The following ABR variants were observed in gnomAD, a reference collection of about 807,000 sequenced individuals.
ABR encodes the protein active breakpoint cluster region-related protein.
ABR carries 35 observed loss-of-function variants against 107.2 expected under a neutral mutation model. That is an observed-to-expected ratio of 0.33 (90% CI 0.25 to 0.43). The LOEUF (loss-of-function observed/expected upper bound fraction) is 0.43. Ranked by LOEUF, ABR falls within the 20% of genes least tolerant of loss-of-function variation. The pLI, the probability that ABR is intolerant of heterozygous loss-of-function variation, is 1.00. For missense variants in ABR, 815 were observed against 1,115.2 expected (o/e 0.73, Z 3.83); for synonymous variants, 498 against 462.0 (o/e 1.08, Z -1.00).
At chr17:1,167,054 T>C (rs2041540554) in intron 1 of ABR, among the ~76,000 whole-genome samples, 2 of 152,024 alleles carry the variant, frequency 1.3e-5, no homozygotes, top group South Asian at 4.2e-4. Context: ...GCTCCGGACC[T>C]GCCAAATCAA....
chr17:1,198,259 T>G lies in ABR; in HGVS notation c.838+30534A>C, dbSNP rs549556999. Among the ~76,000 whole-genome samples, 93 of 151,642 alleles carry G rather than the reference T, an allele frequency of 6.1e-4. 2 individuals carry two copies. The highest frequency in any genetic ancestry group is 1.2e-3 in the Non-Finnish European group (80 of 67,976). ...TTCCAGGCCCACAAACAACCTCGAC[T>G]TCCTGCAAAGACCACTAACCCCAAC... On this transcript the variant is annotated intron_variant, in intron 1 of 22. Coordinates refer to the ABR transcript ENST00000574139.
intron 16 of ABR, chr17:1,039,505 C>G (rs1163229069): frequency 6.6e-6 from 1 of 152,286 alleles, no homozygotes; most frequent in Non-Finnish European, 1.5e-5. Context: ...CTCTGCTGCC[C>G]ACTCTCCAAG....
intron 1 of ABR, among the ~76,000 whole-genome samples, chr17:1,166,621 G>A (rs147547576): frequency 5.3e-5 from 8 of 152,318 alleles, no homozygotes; most frequent in East Asian, 3.9e-4. Flanking sequence ...AGGGAGCTAC[G>A]AAGGCTTGGA....
At chr17:1,116,173 T>C (rs2038977695) in intron 2 of ABR, among the ~76,000 whole-genome samples, 3 of 152,134 alleles carry the variant, frequency 2.0e-5, no homozygotes, top group Non-Finnish European at 4.4e-5. Context: ...TGAGCCGAGA[T>C]TGCGCCACTG....
rs1477247102 is a variant in ABR at position 1,210,895 on chromosome 17, C to T, written c.838+17898G>A. ...GGCCCTATATTTTAAAGGTGCCAGA[C>T]ATTTACCACCTCATATCAAGCACTT... On this transcript the variant is annotated intron_variant, in intron 1 of 22. Coordinates refer to the ABR transcript ENST00000574139. The surrounding 1 kb of genome is among the most constrained non-coding windows in gnomAD (Gnocchi z 5.6). 6.6e-6 allele frequency among the ~76,000 whole-genome samples: 1 copy of T among 152,168 alleles called. No individual in the cohort carries two copies. Among genetic ancestry groups the T allele is most frequent in the Non-Finnish European group, 1.5e-5 (1 of 68,034 alleles).
At chr17:1,098,241 T>G (rs2151327042) in intron 3 of ABR, among the ~76,000 whole-genome samples, 1 of 151,876 alleles carries the variant, frequency 6.6e-6, no homozygotes, top group East Asian at 1.9e-4. Flanking sequence ...CCCGGCTAAT[T>G]TTTTTTGTAC....
chr17:1,069,371 A>C (rs2035024917), intron 9 of ABR, among the ~76,000 whole-genome samples: 1 of 152,226 alleles, frequency 6.6e-6, no homozygotes, highest in African/African-American at 2.4e-5. Flanking sequence ...AGTTTTTAAA[A>C]GGAAAAAACC....
At chr17:1,139,533 T>G (rs1463527657) in intron 1 of ABR, among the ~76,000 whole-genome samples, 1 of 149,856 alleles carries the variant, frequency 6.7e-6, no homozygotes, top group Non-Finnish European at 1.5e-5. Flanking sequence ...ATTACAGGCG[T>G]GAGCCACCGT....
At chr17:1,149,684 T>C (rs1318847699) in intron 1 of ABR, among the ~76,000 whole-genome samples, 3 of 152,206 alleles carry the variant, frequency 2.0e-5, no homozygotes, top group Non-Finnish European at 4.4e-5. Flanking sequence ...CTCAAAGTGC[T>C]GGGGTTACAG....
intron 13 of ABR, among the ~76,000 whole-genome samples, 166 bp from the exon 14 acceptor site, chr17:1,056,275 A>G (rs2304958): frequency 0.73 from 110,886 of 151,808 alleles, 40,941 homozygotes; most frequent in East Asian, 0.84. Flanking sequence ...CGGCGGCCTT[A>G]TATGTGAGCT....
At chr17:1,135,995 T>G (rs1176536948) in intron 1 of ABR, among the ~76,000 whole-genome samples, 1 of 152,092 alleles carries the variant, frequency 6.6e-6, no homozygotes, top group Non-Finnish European at 1.5e-5. Flanking sequence ...TACCATTGTT[T>G]GAGCATTACT....
Position 1,158,961 on chromosome 17 carries a change from G to A in ABR, c.61+20706C>T, listed in dbSNP as rs559933039. ...AGGCTGAAGCCTGTTCAGACTACAGGGAGCCTGTTTGGGACTCACAGTCCT... is the reference window on the plus strand; with the variant it reads ...AGGCTGAAGCCTGTTCAGACTACAGAGAGCCTGTTTGGGACTCACAGTCCT... On this transcript the variant is annotated intron_variant, in intron 1 of 22. Transcript: ENST00000302538. Among the ~76,000 whole-genome samples the A allele has an allele frequency of 3.0e-4, 46 of 152,266 alleles. No individual in the cohort carries two copies. In the East Asian group the frequency reaches 8.7e-3, roughly 29 times the overall value.
At chr17:1,032,905 C>T (rs538607945) in intron 16 of ABR, among the ~76,000 whole-genome samples, 3 of 152,178 alleles carry the variant, frequency 2.0e-5, no homozygotes, top group Admixed American at 1.3e-4. Flanking sequence ...CCGTGGCAAC[C>T]GCGAACCAGG....
intron 1 of ABR, among the ~76,000 whole-genome samples, chr17:1,208,230 A>G (rs552938175): frequency 1.3e-5 from 2 of 152,226 alleles, no homozygotes; most frequent in African/African-American, 4.8e-5. Flanking sequence ...TGGATACTAG[A>G]ACTTGTTCTT....
intron 10 of ABR, among the ~76,000 whole-genome samples, chr17:1,061,848 T>G (rs956889652): frequency 6.6e-6 from 1 of 152,190 alleles, no homozygotes; most frequent in Non-Finnish European, 1.5e-5. Flanking sequence ...TGCTGGGCCC[T>G]AACCACCTGT....
At chr17:1,022,760 G>A (rs990452738) in intron 16 of ABR, among the ~76,000 whole-genome samples, 3 of 152,318 alleles carry the variant, frequency 2.0e-5, no homozygotes, top group South Asian at 2.1e-4. Context: ...TGCAGCCAAG[G>A]TGTGCCCACC....
chr17:1,037,629 C>T lies in ABR; in HGVS notation c.1791+12421G>A, dbSNP rs936686332. Reference sequence around the variant, plus strand: ...TGGCCCCTCAGTATGCTGTCCCTACCGCTGGAGCCCCCCTGGGCTGCTTGC... The same window carrying T: ...TGGCCCCTCAGTATGCTGTCCCTACTGCTGGAGCCCCCCTGGGCTGCTTGC... On this transcript the variant is annotated intron_variant, in intron 16 of 22. Transcript: ENST00000302538. This position sits in a 1 kb window ranked among gnomAD's most constrained non-coding sequence, Gnocchi z 4.6. Among the ~76,000 whole-genome samples the T allele has an allele frequency of 8.5e-5, 13 of 152,278 alleles. No homozygotes were observed. The highest frequency in any genetic ancestry group is 1.9e-4 in the East Asian group (1 of 5,190).
Position 1,005,079 on chromosome 17 carries a change from G to A in ABR, c.*1001C>T, listed in dbSNP as rs200536245. 2.0e-5 allele frequency: 8 copies of A among 398,272 alleles called. No individual in the cohort carries two copies. Among genetic ancestry groups the A allele is most frequent in the African/African-American group, 8.3e-5 (4 of 48,236 alleles). The allele number at this position is 398,272 out of a possible 1,614,324, so 24.7% of individuals were successfully genotyped here. A position where few individuals can be genotyped will look rare whatever the true frequency, so the allele number is the denominator to read the frequency against. ...GAGCTGAGCTGCCTCCCCGCGACCCGGGACACCCAGCGTGGCATGTGCATT... is the reference window on the plus strand; with the variant it reads ...GAGCTGAGCTGCCTCCCCGCGACCCAGGACACCCAGCGTGGCATGTGCATT... On this transcript the variant is annotated 3_prime_UTR_variant, in exon 23 of 23. Coordinates refer to ENST00000302538, the MANE Select transcript of ABR (RefSeq NM_021962.5).
intron 16 of ABR, among the ~76,000 whole-genome samples, chr17:1,040,729 G>A (rs2030267978): frequency 6.6e-6 from 1 of 152,172 alleles, no homozygotes; most frequent in Admixed American, 6.5e-5. Context: ...CCAGGCCCCG[G>A]GTCCAGGGTT....
Sources: allele counts gnomAD v4.1 joint callset (sites outside exome capture counted in the v4.1 genomes callset), GRCh38; gene constraint gnomAD v4.1.1; non-coding constraint Gnocchi (gnomAD v3.1); transcripts MANE v1.5; gene names NCBI Gene and HGNC (gene_info 2026-07-23, HGNC 2026-07-21).